The following EXOC3L1 variants were observed in gnomAD, a reference collection of about 807,000 sequenced individuals.
EXOC3L1 encodes exocyst complex component 3 like 1, also known as exocyst complex component 3-like protein.
In EXOC3L1, 79 loss-of-function variants were observed where a neutral mutation model predicts 83.6. The ratio of observed to expected loss-of-function variants is 0.95; its 90% confidence interval spans 0.79 to 1.14. EXOC3L1 has a LOEUF of 1.14. Among genes scored for constraint, EXOC3L1 ranks in the 50% most tolerant of loss-of-function variants. The pLI, the probability that EXOC3L1 is intolerant of heterozygous loss-of-function variation, is 0.00. For synonymous variants in EXOC3L1, 433 were observed against 451.2 expected, an observed-to-expected ratio of 0.96 and a Z score of 0.51; for missense variants, 945 against 972.0, an observed-to-expected ratio of 0.97 and a Z score of 0.37.
chr16:67,188,954 G>C lies in EXOC3L1; in HGVS notation c.208-14C>G, dbSNP rs191314352. On this transcript the variant is annotated splice_polypyrimidine_tract_variant and intron_variant, in intron 3 of 13. Coordinates refer to ENST00000314586, the MANE Select transcript of EXOC3L1 (RefSeq NM_178516.4). The stretch of plus-strand genomic sequence containing the variant: ...CTGCATCACTGACTGTGGAAAGATG[G>C]AGCCATGAGGCTGGGCCAGCCCTGC... The C allele has an allele frequency of 4.1e-4, 653 of 1,611,322 alleles. 3 individuals are homozygous for C. In the African/African-American group the frequency reaches 7.5e-3, roughly 19 times the overall value.
At chr16:67,186,180 A>G in intron 9 of EXOC3L1, 57 bp downstream of exon 9, 1 of 1,222,256 alleles carries the variant, frequency 8.2e-7, no homozygotes, top group Non-Finnish European at 1.2e-6. Context: ...GCCCATACAT[A>G]ATAGGTACTC....
chr16:67,188,971 C>G (rs1203988298), intron 3 of EXOC3L1, 31 bp from the exon 4 acceptor site: 44 of 1,609,006 alleles, frequency 2.7e-5, no homozygotes, highest in Non-Finnish European at 3.6e-5. Flanking sequence ...GAGGCTGGGC[C>G]AGCCCTGCAG....
rs780766412 is a variant in EXOC3L1, at chr16:67,187,381, G to A, written c.884C>T (p.Ala295Val). 18 of 1,612,472 alleles carry A rather than the reference G, an allele frequency of 1.1e-5. No individual in the cohort carries two copies. The highest frequency in any genetic ancestry group is 4.5e-5 in the East Asian group (2 of 44,900). ...GTTGTACTGTGGCGGGCAGCAAGGC[G>A]CTACTAGTGCCTCAGCTGTGGCCAA... ...VELATAEALV[A>V]PCCPPQYNVV... Residue 295 changes from alanine to valine, a missense_variant, in exon 5 of 14, where the codon GCG (alanine) becomes GTG (valine). Physicochemically the swap from Ala to Val is moderately conservative, Grantham distance 64. Transcript: ENST00000314586.
chr16:67,185,396 G>T lies in EXOC3L1; in HGVS notation c.1591C>A (p.Arg531Ser), dbSNP rs746614088. ...GCCTGCAGCGCCTCCAACACCAAGCGGTAGATCCTCCTCTGCAACTCGTCC... is the reference window on the plus strand; with the variant it reads ...GCCTGCAGCGCCTCCAACACCAAGCTGTAGATCCTCCTCTGCAACTCGTCC... ...ALDELQRRIY[R>S]LVLEALQAEL... is the part of the protein sequence containing the mutation. The change falls in exon 10 of 14, where the codon CGC (arginine) becomes AGC (serine). Residue 531 changes from arginine to serine, a missense_variant. Arg to Ser is a moderately radical substitution (Grantham distance 110, BLOSUM62 -1). Coordinates refer to ENST00000314586, the MANE Select transcript of EXOC3L1 (RefSeq NM_178516.4). 9.5e-5 allele frequency: 153 copies of T among 1,612,484 alleles called. No individual in the cohort carries two copies. Among genetic ancestry groups the T allele is most frequent in the Non-Finnish European group, 1.3e-4 (151 of 1,180,022 alleles).
At position 67,188,834 on chromosome 16, in the gene EXOC3L1, C is replaced by A. The variant is rs187600640; in HGVS notation, c.314G>T (p.Gly105Val). The change falls in exon 4 of 14, where the codon GGG becomes GTG. Residue 105 changes from glycine to valine, a missense_variant. Transcript: ENST00000314586. ...GTREALSQARGLLQGMSQALQ... is the reference protein window; with the variant it reads ...GTREALSQARVLLQGMSQALQ... ...GGCCTGGGACATGCCCTGGAGCAAC[C>A]CACGGGCCTGGCTCAGGGCCTCCCG... is the stretch of plus-strand genomic sequence containing the variant. 7.4e-6 allele frequency: 12 copies of A among 1,613,310 alleles called. No individual in the cohort carries two copies. The South Asian group carries it at 9.9e-5, about 13-fold the overall frequency.
At chr16:67,186,446 C>T in intron 8 of EXOC3L1, 99 bp from the exon 9 acceptor site, 4 of 1,424,778 alleles carry the variant, frequency 2.8e-6, no homozygotes, top group Non-Finnish European at 3.9e-6. Context: ...ATACCCAAGT[C>T]CTTGTTTGAA....
chr16:67,184,614 C>A lies in EXOC3L1; in HGVS notation c.2031-10G>T. The A allele has an allele frequency of 6.3e-7, 1 of 1,585,920 alleles. No individual in the cohort carries two copies. ...GGAGACGTGGTCCTCGCTGCAGGGG[C>A]ACCAAGGAGGCGCGTCAGCCCCGTC... On this transcript the variant is annotated splice_polypyrimidine_tract_variant and intron_variant, in intron 13 of 13. Transcript: ENST00000314586.
At chr16:67,187,906 G>T in intron 4 of EXOC3L1, 69 bp from the exon 5 acceptor site, 1 of 1,499,080 alleles carries the variant, frequency 6.7e-7, no homozygotes, top group South Asian at 1.3e-5. Context: ...TACAGCAGGG[G>T]ATACTGAGGC....
At position 67,184,748 on chromosome 16, in the gene EXOC3L1, G is replaced by A. The variant is rs142110646; in HGVS notation, c.1968C>T (p.Leu656=). ...CCAGGCCCAGCAGCGCGGGGTCGCG[G>A]AGGTTTAGCAGCTCCCTCAGGGCGA... ...VLLALRELLN[L]RDPALLGLEV... The change falls in exon 13 of 14, where the codon CTC becomes CTT. Residue 656 remains leucine (L), a synonymous_variant. Coordinates refer to ENST00000314586, the MANE Select transcript of EXOC3L1 (RefSeq NM_178516.4). 288 of 1,589,408 alleles carry A rather than the reference G, an allele frequency of 1.8e-4. 1 individual carries two copies. In the East Asian group the frequency reaches 5.9e-3, roughly 33 times the overall value.
At chr16:67,185,578 G>T in intron 9 of EXOC3L1, 88 bp from the exon 10 acceptor site, 1 of 1,263,386 alleles carries the variant, frequency 7.9e-7, no homozygotes, top group Non-Finnish European at 1.1e-6. Flanking sequence ...CACCTTGTGG[G>T]GCAAGTGTTT....
chr16:67,186,450 G>T (rs1015279761), intron 8 of EXOC3L1, 103 bp from the exon 9 acceptor site: 18 of 1,428,068 alleles, frequency 1.3e-5, no homozygotes, highest in Non-Finnish European at 1.9e-6. Flanking sequence ...CCAAGTCCTT[G>T]TTTGAAAGAG....
rs1186540856 is a variant in EXOC3L1 at position 67,187,608 on chromosome 16, C to T, written c.657G>A (p.Leu219=). 3.1e-6 allele frequency: 5 copies of T among 1,608,366 alleles called. No individual in the cohort carries two copies. The highest frequency in any genetic ancestry group is 4.2e-6 in the Non-Finnish European group (5 of 1,178,502). The change falls in exon 5 of 14, where the codon CTG becomes CTA. Residue 219 remains leucine (L), a synonymous_variant. Transcript: ENST00000314586. ...CCGCCACACGCACAGCAGCCACCAACAGGGCTGGGTCCTCCCGTGCCAGCT... is the reference window on the plus strand; with the variant it reads ...CCGCCACACGCACAGCAGCCACCAATAGGGCTGGGTCCTCCCGTGCCAGCT... ...AGKLAREDPA[L]LVAAVRVAEV...
intron 9 of EXOC3L1, 46 bp downstream of exon 9, chr16:67,186,191 A>C (rs767260579): frequency 4.5e-6 from 6 of 1,322,688 alleles, no homozygotes; most frequent in Non-Finnish European, 5.3e-6. Context: ...ATAGGTACTC[A>C]ATAGGGGGTT....
rs766397788 is a variant in EXOC3L1 at position 67,187,158 on chromosome 16, T to A, written c.1041-20A>T. 6.2e-7 allele frequency: 1 copy of A among 1,612,030 alleles called. No homozygotes were observed. The highest frequency in any genetic ancestry group is 1.1e-5 in the South Asian group (1 of 91,044). On this transcript the variant is annotated intron_variant, in intron 5 of 13. Transcript: ENST00000314586. ...TCCTGCCTGGAGATAGGTGGCCTGG[T>A]GTCACACCAAGCCACCAAGCCCCCA...
chr16:67,185,131 C>A lies in EXOC3L1; in HGVS notation c.1749+5G>T. On this transcript the variant is annotated splice_donor_5th_base_variant and intron_variant, in intron 11 of 13. Coordinates refer to ENST00000314586, the MANE Select transcript of EXOC3L1 (RefSeq NM_178516.4). ...CCCCTTCCCCAATCTTTTCCCCCAA[C>A]CCACCTGAACCGTGGGGTTCCGCAC... 1 of 1,613,236 alleles carries A rather than the reference C, an allele frequency of 6.2e-7. No individual in the cohort carries two copies.
intron 4 of EXOC3L1, 152 bp from the exon 5 acceptor site, chr16:67,187,989 A>C: frequency 9.0e-7 from 1 of 1,105,108 alleles, no homozygotes; most frequent in Non-Finnish European, 1.2e-6. Context: ...CATGCCTGTA[A>C]TCCCAGCACT....
chr16:67,187,897 A>G, intron 4 of EXOC3L1, 60 bp from the exon 5 acceptor site: 1 of 1,509,794 alleles, frequency 6.6e-7, no homozygotes, highest in South Asian at 1.3e-5. Context: ...CTCAATGTGT[A>G]CAGCAGGGGA....
At chr16:67,188,176 G>A (rs1312020311) in intron 4 of EXOC3L1, among the ~76,000 whole-genome samples, 1 of 151,546 alleles carries the variant, frequency 6.6e-6, no homozygotes, top group African/African-American at 2.4e-5. Context: ...CCTGGGATAT[G>A]GAGGTTGCAG....
rs146322735 is a variant in EXOC3L1, at chr16:67,189,128, C to T, written c.99G>A (p.Ala33=). Residue 33 remains alanine, a synonymous_variant, in exon 3 of 14, where the codon GCG becomes GCA. Coordinates refer to ENST00000314586, the MANE Select transcript of EXOC3L1 (RefSeq NM_178516.4). ...ERAEQLARGA[A]LKWASGIFYR... ...AGAAGATGCCTGAGGCCCACTTGAG[C>T]GCTGCACCCCGGGCCAGCTGCTCTG... 305 of 1,607,452 alleles carry T rather than the reference C, an allele frequency of 1.9e-4. No homozygotes were observed. Among genetic ancestry groups the T allele is most frequent in the Non-Finnish European group, 2.4e-4 (284 of 1,179,340 alleles).
Sources: allele counts gnomAD v4.1 joint callset (sites outside exome capture counted in the v4.1 genomes callset), GRCh38; gene constraint gnomAD v4.1.1; transcripts MANE v1.5; gene names NCBI Gene and HGNC (gene_info 2026-07-23, HGNC 2026-07-21).